CD8B: variants seen among roughly 807,000 people sequenced by gnomAD.
The protein encoded by CD8B is CD8 subunit beta, also known as T-cell surface glycoprotein CD8 beta chain.
A neutral mutation model predicts 24.2 loss-of-function variants in CD8B; 6 were observed. That is an observed-to-expected ratio of 0.25 (90% CI 0.14 to 0.49). CD8B has a LOEUF of 0.49. CD8B is among the 20% of genes least tolerant of loss of function. CD8B has a pLI of 0.98. For synonymous variants in CD8B, 84 were observed against 108.3 expected (o/e 0.78, Z 1.39); for missense variants, 196 against 271.3 (o/e 0.72, Z 1.95).
At position 86,850,352 on chromosome 2, in the gene CD8B, T is replaced by TG. The variant is rs1171717137; in HGVS notation, c.493+2644dup. 3.3e-5 allele frequency among the ~76,000 whole-genome samples: 5 copies of TG among 151,920 alleles called. No homozygotes were observed. The East Asian group carries it at 9.7e-4, about 29-fold the overall frequency. ...GAAATGGTCCCCCAGCACCTAAGGG[T>TG]GTTGTCTTAGGAACAGACCTAAGCC... On this transcript the variant is annotated intron_variant, in intron 3 of 5. Transcript: ENST00000390655.
At chr2:86,855,311 G>A (rs1182209077) in intron 2 of CD8B, among the ~76,000 whole-genome samples, 1 of 152,228 alleles carries the variant, frequency 6.6e-6, no homozygotes, top group Non-Finnish European at 1.5e-5. Flanking sequence ...AAGCAACTAG[G>A]ATGAAAGTGC....
intron 3 of CD8B, among the ~76,000 whole-genome samples, chr2:86,852,213 C>T (rs1237088161): frequency 6.6e-6 from 1 of 152,206 alleles, no homozygotes; most frequent in Non-Finnish European, 1.5e-5. Context: ...GCGATCCACC[C>T]ATCTGGGCCT....
chr2:86,820,872 A>G (rs1558746826), intron 5 of CD8B, among the ~76,000 whole-genome samples: 1 of 152,188 alleles, frequency 6.6e-6, no homozygotes. Context: ...TGTGCCATGC[A>G]CTCTGCAAGC....
intron 5 of CD8B, among the ~76,000 whole-genome samples, chr2:86,829,045 A>G (rs5024602): frequency 0.26 from 39,083 of 148,680 alleles, 5,560 homozygotes; most frequent in Non-Finnish European, 0.33. Flanking sequence ...AATCTGCCCC[A>G]CACCAACCCC....
At chr2:86,848,707 T>TATTTATTTATTTATTC (rs1675815059) in intron 3 of CD8B, among the ~76,000 whole-genome samples, 1 of 77,812 alleles carries the variant, frequency 1.3e-5, no homozygotes, top group South Asian at 4.3e-4. Flanking sequence ...TTAAATTATT[T>TATTTATTTATTTATTC]ATTTATTTAT....
chr2:86,850,717 C>A (rs1675931127), intron 3 of CD8B, among the ~76,000 whole-genome samples: 1 of 152,184 alleles, frequency 6.6e-6, no homozygotes, highest in East Asian at 1.9e-4. Context: ...CACCTTCACA[C>A]ACATCCGGGT....
chr2:86,823,528 C>T (rs1175740030), intron 5 of CD8B, among the ~76,000 whole-genome samples: 2 of 152,190 alleles, frequency 1.3e-5, no homozygotes, highest in African/African-American at 4.8e-5. Context: ...GATCCTCCTA[C>T]TTCAGCCTTT....
chr2:86,829,794 C>T (rs187894728), intron 5 of CD8B, among the ~76,000 whole-genome samples: 255 of 152,290 alleles, frequency 1.7e-3, no homozygotes, highest in Non-Finnish European at 2.9e-3. Context: ...GCAACTGTTT[C>T]GGTAAATCTT....
intron 1 of CD8B, among the ~76,000 whole-genome samples, chr2:86,860,195 G>C (rs112261288): frequency 6.6e-6 from 1 of 152,270 alleles, no homozygotes; most frequent in African/African-American, 2.4e-5. Context: ...GCTTGAACCC[G>C]GGAGGCGGAG....
intron 3 of CD8B, among the ~76,000 whole-genome samples, chr2:86,852,054 C>T (rs1338035567): frequency 6.6e-6 from 1 of 152,176 alleles, no homozygotes; most frequent in Admixed American, 6.5e-5. Flanking sequence ...CTTCAATCTC[C>T]ACCTCCCAGG....
At chr2:86,858,546 T>C in intron 1 of CD8B, 130 bp from the exon 2 acceptor site, 1 of 1,445,842 alleles carries the variant, frequency 6.9e-7, no homozygotes, top group Non-Finnish European at 9.1e-7. Flanking sequence ...GTCCAGGGAG[T>C]GTGTTGAGCG....
intron 5 of CD8B, among the ~76,000 whole-genome samples, chr2:86,831,481 T>C (rs1241043079): frequency 2.0e-5 from 3 of 152,364 alleles, no homozygotes; most frequent in Non-Finnish European, 2.9e-5. Context: ...CAATTTAAAA[T>C]TGATCAGTAA....
At chr2:86,845,488 G>T (rs1424547081) in intron 4 of CD8B, among the ~76,000 whole-genome samples, 1 of 152,012 alleles carries the variant, frequency 6.6e-6, no homozygotes, top group African/African-American at 2.4e-5. Context: ...TAGGAATGGG[G>T]TCTTATTATG....
chr2:86,840,070 G>A lies in CD8B; in HGVS notation c.*2237C>T, dbSNP rs1198850761. Among the ~76,000 whole-genome samples, 1 of 152,194 alleles carries A rather than the reference G, an allele frequency of 6.6e-6. No individual in the cohort carries two copies. On this transcript the variant is annotated 3_prime_UTR_variant, in exon 6 of 6. Transcript: ENST00000390655. ...TAGGGTCTGGGGGCAGGGAATCTAA[G>A]GCCAATTCGTGCTGAATCAAGGAGA...
chr2:86,859,653 G>T (rs1676467937), intron 1 of CD8B, among the ~76,000 whole-genome samples: 1 of 151,876 alleles, frequency 6.6e-6, no homozygotes, highest in Non-Finnish European at 1.5e-5. Flanking sequence ...CACCAAGGCT[G>T]CACAGCTTCC....
At chr2:86,816,367 C>T (rs1674244303) in intron 5 of CD8B, among the ~76,000 whole-genome samples, 1 of 152,114 alleles carries the variant, frequency 6.6e-6, no homozygotes, top group African/African-American at 2.4e-5. Context: ...AAGTTTTCCC[C>T]AGTTAATCTA....
At chr2:86,848,701 A>ATTATTTAT (rs55752237) in intron 3 of CD8B, among the ~76,000 whole-genome samples, 18,627 of 59,332 alleles carry the variant, frequency 0.31, 4,331 homozygotes, top group South Asian at 0.47. Flanking sequence ...GTATTTTTAA[A>ATTATTTAT]TTATTTATTT....
intron 5 of CD8B, chr2:86,822,299 G>T: frequency 7.0e-7 from 1 of 1,420,632 alleles, no homozygotes; most frequent in Non-Finnish European, 9.8e-7. Flanking sequence ...AGCAATATCA[G>T]AAGCTATCAA....
intron 2 of CD8B, 127 bp downstream of exon 2, chr2:86,857,930 A>G (rs533155370): frequency 1.0e-6 from 1 of 959,200 alleles, no homozygotes; most frequent in East Asian, 2.4e-5. Context: ...TCTTTCTGTT[A>G]CTATTAGCAG....
Sources: allele counts gnomAD v4.1 joint callset (sites outside exome capture counted in the v4.1 genomes callset), GRCh38; gene constraint gnomAD v4.1.1; transcripts MANE v1.5; gene names NCBI Gene and HGNC (gene_info 2026-07-23, HGNC 2026-07-21).